CSNK2A2IP: variants seen among roughly 807,000 people sequenced by gnomAD.
The protein encoded by CSNK2A2IP is casein kinase 2 subunit alpha' interacting protein, also known as casein kinase II subunit alpha'-interacting protein.
At chr3:88,417,662 C>A in the CSNK2A2IP span, among the ~76,000 whole-genome samples, 1 of 152,154 alleles carries the variant, frequency 6.6e-6, no homozygotes, top group African/African-American at 2.4e-5. Context: ...TTAGTAAGAC[C>A]TGATTGCTCA....
chr3:88,465,883 C>T, the CSNK2A2IP span: 2 of 1,231,558 alleles, frequency 1.6e-6, no homozygotes, highest in African/African-American at 1.6e-5. Context: ...ATTGAAGTCT[C>T]ATCAAAGAGT....
chr3:88,436,110 T>A, the CSNK2A2IP span, among the ~76,000 whole-genome samples: 2 of 152,090 alleles, frequency 1.3e-5, no homozygotes, highest in South Asian at 2.1e-4. Context: ...ATTTACTGTA[T>A]GATGTTCTTT....
the CSNK2A2IP span, among the ~76,000 whole-genome samples, chr3:88,360,661 G>A: frequency 2.6e-5 from 4 of 151,968 alleles, no homozygotes; most frequent in Non-Finnish European, 4.4e-5. Flanking sequence ...GAATAATTTA[G>A]TTCAATTTAT....
chr3:88,454,401 GAGA>G, the CSNK2A2IP span, among the ~76,000 whole-genome samples: 8 of 151,668 alleles, frequency 5.3e-5, no homozygotes, highest in Non-Finnish European at 1.0e-4. Flanking sequence ...GTCTTATGAA[GAGA>G]AGAAGTTTTA....
the CSNK2A2IP span, among the ~76,000 whole-genome samples, chr3:88,351,919 T>TGTGATG: frequency 6.6e-6 from 1 of 152,272 alleles, no homozygotes; most frequent in South Asian, 2.1e-4. Flanking sequence ...ATGCTGTTAC[T>TGTGATG]GGAAATTTTG....
chr3:88,394,263 A>G, the CSNK2A2IP span, among the ~76,000 whole-genome samples: 1 of 152,232 alleles, frequency 6.6e-6, no homozygotes, highest in Non-Finnish European at 1.5e-5. Flanking sequence ...TTCCATTACT[A>G]AATACATTTA....
At chr3:88,409,574 G>A in the CSNK2A2IP span, among the ~76,000 whole-genome samples, 5 of 151,576 alleles carry the variant, frequency 3.3e-5, 1 homozygote, top group African/African-American at 1.2e-4. Context: ...AAATTATAGA[G>A]AGTGAGGCAA....
At chr3:88,386,395 G>A in the CSNK2A2IP span, among the ~76,000 whole-genome samples, 32 of 152,244 alleles carry the variant, frequency 2.1e-4, no homozygotes, top group African/African-American at 7.2e-4. Context: ...CAAAATGCTG[G>A]GATTACCGGC....
chr3:88,455,184 T>C, the CSNK2A2IP span, among the ~76,000 whole-genome samples: 1 of 151,984 alleles, frequency 6.6e-6, no homozygotes, highest in Non-Finnish European at 1.5e-5. Context: ...TTATACATAA[T>C]GCTGCAATCT....
the CSNK2A2IP span, among the ~76,000 whole-genome samples, chr3:88,391,343 A>G: frequency 6.6e-6 from 1 of 152,338 alleles, no homozygotes; most frequent in Middle Eastern, 3.4e-3. Context: ...AATATTAACA[A>G]CCTACTCTGT....
At chr3:88,411,654 T>C in the CSNK2A2IP span, among the ~76,000 whole-genome samples, 2 of 151,904 alleles carry the variant, frequency 1.3e-5, no homozygotes, top group Admixed American at 6.6e-5. Context: ...ATTTTTAAGT[T>C]TGTTTGAAAC....
the CSNK2A2IP span, among the ~76,000 whole-genome samples, chr3:88,457,031 A>T: frequency 2.6e-5 from 4 of 152,172 alleles, no homozygotes; most frequent in African/African-American, 7.2e-5. Context: ...TATAAAAAAA[A>T]TAAATAACAG....
chr3:88,341,867 A>G, the CSNK2A2IP span, among the ~76,000 whole-genome samples: 2 of 152,008 alleles, frequency 1.3e-5, no homozygotes, highest in Non-Finnish European at 2.9e-5. Context: ...TTTGAAAACA[A>G]TGGTGATGGT....
At chr3:88,454,322 CAA>C in the CSNK2A2IP span, among the ~76,000 whole-genome samples, 1 of 137,836 alleles carries the variant, frequency 7.3e-6, no homozygotes, top group Admixed American at 8.3e-5. Flanking sequence ...ATGATTGATA[CAA>C]GTCTTTATTA....
At chr3:88,419,063 C>A in the CSNK2A2IP span, among the ~76,000 whole-genome samples, 1 of 152,242 alleles carries the variant, frequency 6.6e-6, no homozygotes, top group South Asian at 2.1e-4. Context: ...TCTCCCATCA[C>A]CCCCAGATGG....
the CSNK2A2IP span, among the ~76,000 whole-genome samples, chr3:88,388,236 A>ACG: frequency 6.6e-6 from 1 of 152,184 alleles, no homozygotes; most frequent in Non-Finnish European, 1.5e-5. Context: ...AAAAACACTC[A>ACG]CATACTATTA....
the CSNK2A2IP span, among the ~76,000 whole-genome samples, chr3:88,384,520 A>G: frequency 6.6e-6 from 1 of 152,194 alleles, no homozygotes; most frequent in Non-Finnish European, 1.5e-5. Flanking sequence ...GCTGTTGTAT[A>G]GTGACATGCA....
chr3:88,370,104 C>T, the CSNK2A2IP span, among the ~76,000 whole-genome samples: 2 of 151,540 alleles, frequency 1.3e-5, no homozygotes, highest in Non-Finnish European at 2.9e-5. Context: ...CCTAGCAATC[C>T]TATGAAGAAG....
chr3:88,452,594 T>G, the CSNK2A2IP span, among the ~76,000 whole-genome samples: 1 of 152,146 alleles, frequency 6.6e-6, no homozygotes, highest in Admixed American at 6.6e-5. Flanking sequence ...GTAACATGTC[T>G]GTACATTTGG....
Sources: gnomAD v4.1 joint callset for allele counts (sites outside exome capture counted in the v4.1 genomes callset) on GRCh38, gnomAD v4.1.1 for gene constraint, MANE v1.5 for transcripts, NCBI Gene and HGNC (gene_info 2026-07-23, HGNC 2026-07-21) for gene names.